DMD: variants seen among roughly 807,000 people sequenced by gnomAD.
DMD encodes the protein dystrophin, also known as mutant dystrophin.
Under a neutral mutation model 330.1 loss-of-function variants are expected in DMD, and 63 were observed. The observed-to-expected ratio is 0.19, with a 90% CI of 0.16 to 0.24. The LOEUF (loss-of-function observed/expected upper bound fraction) is 0.24. Ranked by LOEUF, DMD falls within the 10% of genes least tolerant of loss-of-function variation. The probability of loss-of-function intolerance (pLI) is 1.00; values close to 1 mark genes in which losing one functional copy is unlikely to be tolerated. For synonymous variants in DMD, 1,223 were observed against 959.8 expected (o/e 1.27, Z -5.07); for missense variants, 3,344 against 2,684.1 (o/e 1.25, Z -5.43).
intron 44 of DMD, among the ~76,000 whole-genome samples, chrX:32,201,810 T>A (rs2097040540): frequency 9.0e-6 from 1 of 111,019 alleles, no homozygotes; most frequent in African/African-American, 3.3e-5. Context: ...CATTCGCTTA[T>A]CTGTTTCTTT....
intron 52 of DMD, among the ~76,000 whole-genome samples, chrX:31,685,259 C>A (rs1013807895): frequency 2.7e-5 from 3 of 111,871 alleles, no homozygotes; most frequent in African/African-American, 9.7e-5. Flanking sequence ...ATTATGAATA[C>A]ATAAATGAAA....
intron 55 of DMD, among the ~76,000 whole-genome samples, chrX:31,555,636 G>A (rs749765356): frequency 9.0e-6 from 1 of 111,578 alleles, no homozygotes; most frequent in South Asian, 3.8e-4. Context: ...ATGCATTCTT[G>A]TCTCTGTGTC....
At chrX:31,350,628 T>TGAGAGA (rs1399768420) in intron 60 of DMD, among the ~76,000 whole-genome samples, 12 of 52,688 alleles carry the variant, frequency 2.3e-4, no homozygotes, top group African/African-American at 9.7e-4. Flanking sequence ...TGTGTGTGTG[T>TGAGAGA]GTGTGAGAGA....
chrX:31,462,720 C>A (rs1463322338), intron 59 of DMD, among the ~76,000 whole-genome samples: 1 of 111,893 alleles, frequency 8.9e-6, no homozygotes, highest in African/African-American at 3.2e-5. Flanking sequence ...CTTAAAATGC[C>A]ATTTAACTCA....
chrX:32,250,580 T>C (rs1285382554), intron 43 of DMD, among the ~76,000 whole-genome samples: 2 of 112,005 alleles, frequency 1.8e-5, no homozygotes, highest in African/African-American at 3.2e-5. Flanking sequence ...CAGTTCTGCC[T>C]CCCCAGTGTT....
At chrX:33,023,061 A>G (rs1235938504) in intron 1 of DMD, among the ~76,000 whole-genome samples, 1 of 111,774 alleles carries the variant, frequency 8.9e-6, no homozygotes, top group African/African-American at 3.2e-5. Context: ...ATGCTTTTAC[A>G]TTTACTAATT....
At chrX:33,003,536 T>A (rs1323956906) in intron 2 of DMD, among the ~76,000 whole-genome samples, 1 of 112,188 alleles carries the variant, frequency 8.9e-6, no homozygotes, top group African/African-American at 3.2e-5. Context: ...ACTATTCATA[T>A]AATGTAACTG....
chrX:31,338,491 C>A (rs919303247), intron 61 of DMD, among the ~76,000 whole-genome samples: 1 of 108,799 alleles, frequency 9.2e-6, no homozygotes, highest in African/African-American at 3.3e-5. Context: ...AAAGCCCAGG[C>A]CCCTTATCTC....
At chrX:31,797,936 C>T (rs1261638333) in intron 50 of DMD, among the ~76,000 whole-genome samples, 2 of 111,704 alleles carry the variant, frequency 1.8e-5, no homozygotes, top group Non-Finnish European at 3.8e-5. Context: ...TGAAGACAGG[C>T]GTGATGTGGC....
chrX:32,331,298 G>A (rs901788430), intron 41 of DMD, among the ~76,000 whole-genome samples: 2 of 111,457 alleles, frequency 1.8e-5, no homozygotes, highest in East Asian at 5.6e-4. Context: ...TCTATCAAAT[G>A]TAATAATTTT....
intron 44 of DMD, among the ~76,000 whole-genome samples, chrX:32,076,052 CAAAAAAAAAAAAAAAAAAAAAA>C (rs59686294): frequency 0.023 from 438 of 18,803 alleles, 17 homozygotes; most frequent in Middle Eastern, 0.056. Context: ...GACTCTGTCT[CAAAAAAAAAAAAAAAAAAAAAA>C]AAAAAAAAAA....
chrX:32,930,665 T>C (rs769311368), intron 2 of DMD, among the ~76,000 whole-genome samples: 3 of 110,489 alleles, frequency 2.7e-5, no homozygotes, highest in Non-Finnish European at 5.7e-5. Flanking sequence ...CTTTAAGCTT[T>C]TGTACATGTT....
intron 60 of DMD, among the ~76,000 whole-genome samples, chrX:31,360,013 G>A (rs775691089): frequency 9.0e-6 from 1 of 111,322 alleles, no homozygotes; most frequent in African/African-American, 3.3e-5. Flanking sequence ...CTTTTGATGG[G>A]CAAAAACAGA....
chrX:31,907,386 C>T (rs903661500), intron 47 of DMD, among the ~76,000 whole-genome samples: 2 of 111,329 alleles, frequency 1.8e-5, no homozygotes, highest in African/African-American at 3.3e-5. Context: ...TGGAACAGAA[C>T]GGAAGCCTCA....
chrX:32,550,491 C>A (rs757844248), intron 16 of DMD, among the ~76,000 whole-genome samples: 1 of 111,070 alleles, frequency 9.0e-6, no homozygotes, highest in Non-Finnish European at 1.9e-5. Flanking sequence ...ACACACAAAG[C>A]AGCGTTAAGA....
At chrX:31,541,737 T>C (rs976587924) in intron 55 of DMD, among the ~76,000 whole-genome samples, 2 of 110,324 alleles carry the variant, frequency 1.8e-5, no homozygotes, top group Non-Finnish European at 3.8e-5. Context: ...CGGTCTATCA[T>C]TGATGGACAT....
chrX:33,095,840 A>G (rs1456089181), intron 1 of DMD, among the ~76,000 whole-genome samples: 1 of 111,362 alleles, frequency 9.0e-6, no homozygotes, highest in Non-Finnish European at 1.9e-5. Context: ...ACATATTTAC[A>G]TGATATCCAA....
intron 16 of DMD, among the ~76,000 whole-genome samples, chrX:32,552,949 G>A (rs768237676): frequency 9.0e-6 from 1 of 111,644 alleles, no homozygotes; most frequent in Admixed American, 9.5e-5. Context: ...AAAAGGGAAC[G>A]TTTATTGCAC....
At chrX:32,475,271 T>G (rs2041113053) in intron 21 of DMD, among the ~76,000 whole-genome samples, 1 of 111,811 alleles carries the variant, frequency 8.9e-6, no homozygotes, top group South Asian at 3.7e-4. Flanking sequence ...TATAGTATAG[T>G]TTGAAATCAG....
Sources: gnomAD v4.1 joint callset for allele counts (sites outside exome capture counted in the v4.1 genomes callset) on GRCh38, gnomAD v4.1.1 for gene constraint, MANE v1.5 for transcripts, NCBI Gene and HGNC (gene_info 2026-07-23, HGNC 2026-07-21) for gene names.